HHAT: variants seen among roughly 807,000 people sequenced by gnomAD.
The protein encoded by HHAT is protein-cysteine N-palmitoyltransferase HHAT.
In HHAT, 47 loss-of-function variants were observed where a neutral mutation model predicts 70.8. That is an observed-to-expected ratio of 0.66 (90% CI 0.53 to 0.85). The LOEUF is 0.85. Among genes scored for constraint, HHAT ranks in the 40% least tolerant of loss-of-function variants. HHAT has a pLI of 0.00. For synonymous variants in HHAT, 228 were observed against 247.6 expected (o/e 0.92, Z 0.74); for missense variants, 609 against 604.8 (o/e 1.01, Z -0.07).
intron 7 of HHAT, among the ~76,000 whole-genome samples, chr1:210,426,383 T>G (rs1414524021): frequency 1.3e-5 from 2 of 152,188 alleles, no homozygotes; most frequent in Admixed American, 1.3e-4. Flanking sequence ...CTATGTTGAA[T>G]AGGAGTGGTA....
At chr1:210,663,046 G>C (rs1678098134) in intron 11 of HHAT, among the ~76,000 whole-genome samples, 1 of 152,092 alleles carries the variant, frequency 6.6e-6, no homozygotes, top group African/African-American at 2.4e-5. Context: ...TCAGCCCTTA[G>C]CAGGGGCCAT....
At chr1:210,481,901 A>G (rs75192710) in intron 8 of HHAT, among the ~76,000 whole-genome samples, 1 of 152,160 alleles carries the variant, frequency 6.6e-6, no homozygotes, top group Non-Finnish European at 1.5e-5. Context: ...TGTCCCAGGA[A>G]GAAGGTGCAG....
At chr1:210,460,719 A>G (rs751893381) in intron 7 of HHAT, among the ~76,000 whole-genome samples, 6 of 152,230 alleles carry the variant, frequency 3.9e-5, no homozygotes, top group Non-Finnish European at 8.8e-5. Context: ...TGAAGGATAC[A>G]TAGTATTTTG....
At chr1:210,567,979 A>G (rs1278473488) in intron 9 of HHAT, among the ~76,000 whole-genome samples, 1 of 152,132 alleles carries the variant, frequency 6.6e-6, no homozygotes, top group Non-Finnish European at 1.5e-5. Context: ...TGTCTTTTTG[A>G]ATGTTAAGGA....
intron 6 of HHAT, among the ~76,000 whole-genome samples, chr1:210,416,497 C>A (rs2092724705): frequency 6.6e-6 from 1 of 152,204 alleles, no homozygotes; most frequent in Non-Finnish European, 1.5e-5. Flanking sequence ...TGGTATAAGG[C>A]TGAACGAAAT....
chr1:210,633,405 T>C (rs1671249379), intron 11 of HHAT, among the ~76,000 whole-genome samples: 1 of 152,098 alleles, frequency 6.6e-6, no homozygotes, highest in Non-Finnish European at 1.5e-5. Flanking sequence ...AGAGGCACAG[T>C]GAGGGCCCTG....
intron 7 of HHAT, among the ~76,000 whole-genome samples, chr1:210,423,391 C>A (rs2092962976): frequency 6.6e-6 from 1 of 152,016 alleles, no homozygotes. Context: ...AGATCATTAG[C>A]CCATTTTTAA....
chr1:210,540,880 G>C (rs1039144471), intron 9 of HHAT, among the ~76,000 whole-genome samples: 1 of 151,464 alleles, frequency 6.6e-6, no homozygotes, highest in South Asian at 2.1e-4. Context: ...TCGCTCTGTT[G>C]CCCAGGCTGG....
At chr1:210,362,443 T>G (rs2088447934) in intron 2 of HHAT, among the ~76,000 whole-genome samples, 1 of 152,182 alleles carries the variant, frequency 6.6e-6, no homozygotes, top group South Asian at 2.1e-4. Context: ...GTCAGGCTGG[T>G]CTCAAACTCC....
chr1:210,501,871 A>AGCT (rs771935628), intron 8 of HHAT, among the ~76,000 whole-genome samples: 26 of 152,212 alleles, frequency 1.7e-4, no homozygotes, highest in African/African-American at 5.8e-4. Flanking sequence ...CTTCTCCCTG[A>AGCT]GCTGCCTACC....
intron 3 of HHAT, among the ~76,000 whole-genome samples, chr1:210,376,014 A>ATTTTTTTTTTTTTT (rs57707354): frequency 1.3e-4 from 14 of 108,902 alleles, no homozygotes; most frequent in African/African-American, 3.0e-4. Flanking sequence ...TGCACAGCTA[A>ATTTTTTTTTTTTTT]TTTTTTTTTT....
intron 11 of HHAT, among the ~76,000 whole-genome samples, chr1:210,664,446 G>A (rs531383718): frequency 6.6e-6 from 1 of 152,348 alleles, no homozygotes; most frequent in South Asian, 2.1e-4. Context: ...TAATTAATGA[G>A]ATAATGGTTG....
chr1:210,634,157 C>CT (rs1399817968), intron 11 of HHAT, among the ~76,000 whole-genome samples: 1 of 152,162 alleles, frequency 6.6e-6, no homozygotes, highest in Admixed American at 6.5e-5. Context: ...AGAGAGTTTA[C>CT]TTGTAACCTG....
intron 7 of HHAT, among the ~76,000 whole-genome samples, chr1:210,450,622 T>TTTA (rs2093733802): frequency 6.6e-6 from 1 of 150,940 alleles, no homozygotes; most frequent in Admixed American, 6.6e-5. Context: ...TTTTTTTTTT[T>TTTA]ACATACCCCA....
At chr1:210,555,548 G>C (rs1019425611) in intron 9 of HHAT, among the ~76,000 whole-genome samples, 5 of 152,222 alleles carry the variant, frequency 3.3e-5, no homozygotes, top group African/African-American at 4.8e-5. Context: ...GTTGGGGGCA[G>C]TTAGGAAATT....
At chr1:210,434,332 ATCAGAAACTAGTGGG>A in intron 7 of HHAT, among the ~76,000 whole-genome samples, 1 of 151,872 alleles carries the variant, frequency 6.6e-6, no homozygotes, top group East Asian at 1.9e-4. Context: ...ACTAAAAGCA[ATCAGAAACTAGTGGG>A]AAATGTGATA....
intron 11 of HHAT, among the ~76,000 whole-genome samples, chr1:210,637,627 C>T (rs1488625175): frequency 2.6e-5 from 4 of 151,976 alleles, no homozygotes; most frequent in African/African-American, 7.3e-5. Context: ...TTTGGGAGGC[C>T]GAGGCAGGAG....
chr1:210,463,601 T>A (rs1176028207), intron 7 of HHAT, among the ~76,000 whole-genome samples: 1 of 152,232 alleles, frequency 6.6e-6, no homozygotes, highest in Non-Finnish European at 1.5e-5. Flanking sequence ...TGCTGCTGTG[T>A]ACATCGGGGT....
chr1:210,379,359 T>A (rs543674461), intron 3 of HHAT, among the ~76,000 whole-genome samples: 42 of 152,244 alleles, frequency 2.8e-4, no homozygotes, highest in Non-Finnish European at 5.4e-4. Context: ...TTCTGGGATA[T>A]TTAGTTTTCA....
Sources: gnomAD v4.1 joint callset for allele counts (sites outside exome capture counted in the v4.1 genomes callset) on GRCh38, gnomAD v4.1.1 for gene constraint, MANE v1.5 for transcripts, NCBI Gene and HGNC (gene_info 2026-07-23, HGNC 2026-07-21) for gene names.